ITPR2: variants seen among roughly 807,000 people sequenced by gnomAD.
The protein encoded by ITPR2 is inositol 1,4,5-trisphosphate receptor type 2.
Under a neutral mutation model 317.1 loss-of-function variants are expected in ITPR2, and 207 were observed. The ratio of observed to expected loss-of-function variants is 0.65; its 90% CI spans 0.58 to 0.73. ITPR2 has a LOEUF of 0.73. Among genes scored for constraint, ITPR2 ranks in the 30% least tolerant of loss-of-function variants. ITPR2 has a pLI of 0.00. For missense variants in ITPR2, 2,613 were observed against 3,284.0 expected (o/e 0.80, Z 4.99); for synonymous variants, 1,156 against 1,149.1 (o/e 1.01, Z -0.12).
At chr12:26,816,440 GTCA>G (rs1408944573) in intron 1 of ITPR2, among the ~76,000 whole-genome samples, 20 of 152,152 alleles carry the variant, frequency 1.3e-4, no homozygotes, top group Non-Finnish European at 2.8e-4. Flanking sequence ...AGAGAGTGGA[GTCA>G]TCATATAAAA....
chr12:26,435,426 A>C (rs1158117604), intron 48 of ITPR2, among the ~76,000 whole-genome samples: 3 of 152,140 alleles, frequency 2.0e-5, no homozygotes, highest in Admixed American at 1.3e-4. Flanking sequence ...AAAGCACTGC[A>C]TGGTTATTAT....
At chr12:26,587,891 C>T (rs183204348) in intron 32 of ITPR2, among the ~76,000 whole-genome samples, 1 of 152,026 alleles carries the variant, frequency 6.6e-6, no homozygotes, top group African/African-American at 2.4e-5. Flanking sequence ...CTTGGGGTAG[C>T]GTAGTTGTGA....
intron 48 of ITPR2, among the ~76,000 whole-genome samples, chr12:26,432,121 T>G (rs1941227468): frequency 6.6e-6 from 1 of 152,178 alleles, no homozygotes; most frequent in Admixed American, 6.5e-5. Context: ...TATCAGGAAA[T>G]TAACATTGAT....
intron 1 of ITPR2, among the ~76,000 whole-genome samples, chr12:26,794,935 CAT>C (rs1950404874): frequency 6.6e-6 from 1 of 152,196 alleles, no homozygotes; most frequent in Admixed American, 6.5e-5. Flanking sequence ...TCCAAGTATA[CAT>C]GCATGGTAAA....
chr12:26,345,904 G>T (rs144679360), intron 55 of ITPR2, among the ~76,000 whole-genome samples: 2 of 152,264 alleles, frequency 1.3e-5, no homozygotes, highest in African/African-American at 4.8e-5. Flanking sequence ...TTATTTCTTG[G>T]TTTACTCATG....
rs555250810 is a variant in ITPR2 at position 26,507,362 on chromosome 12, GT to G, written c.5074-12103del. On this transcript the variant is annotated intron_variant, in intron 37 of 56. Transcript: ENST00000381340. ...GTACCAAATGCTTACCTTAGAAAGG[GT>G]CTTTTTAAGAAAGGCTTTATTAGAC... is the stretch of plus-strand genomic sequence containing the variant. Among the ~76,000 whole-genome samples the G allele has an allele frequency of 1.3e-3, 204 of 152,258 alleles. 1 individual carries two copies. In the Middle Eastern group the frequency reaches 0.017, roughly 13 times the overall value.
At chr12:26,436,433 A>T (rs1941350005) in intron 47 of ITPR2, 87 bp from the exon 48 acceptor site, 7 of 1,197,468 alleles carry the variant, frequency 5.8e-6, no homozygotes, top group Non-Finnish European at 8.2e-6. Flanking sequence ...TATTTTACTA[A>T]ATGCATCATT....
At chr12:26,362,538 T>C (rs762995663) in intron 55 of ITPR2, among the ~76,000 whole-genome samples, 2 of 152,206 alleles carry the variant, frequency 1.3e-5, no homozygotes, top group African/African-American at 2.4e-5. Context: ...TCTTCCTCAC[T>C]GCTACTTTCA....
chr12:26,426,497 G>T (rs1002782458), intron 49 of ITPR2, among the ~76,000 whole-genome samples: 12 of 152,120 alleles, frequency 7.9e-5, no homozygotes, highest in Non-Finnish European at 1.3e-4. Flanking sequence ...AGTGAGGCAG[G>T]TAGGGCTAAA....
In ITPR2 at chr12:26,439,221, T is replaced by A. The variant is rs757180588; in HGVS notation, c.6549A>T (p.Thr2183=). The A allele has an allele frequency of 3.7e-6, 6 of 1,612,544 alleles. No homozygotes were observed. The highest frequency in any genetic ancestry group is 1.3e-5 in the African/African-American group (1 of 75,002). ...TACTTCCTTGTTCATCCCTTTCAGT[T>A]GTATTGAACACACGGCACTTGGATT... ...TRESKCRVFN[T]TERDEQGSKV... is the part of the protein sequence containing the mutation. Residue 2183 remains threonine (T), a synonymous_variant, in exon 47 of 57, where the codon ACA becomes ACT. Coordinates refer to ENST00000381340, the MANE Select transcript of ITPR2 (RefSeq NM_002223.4).
chr12:26,823,938 G>A (rs61045207), intron 1 of ITPR2, among the ~76,000 whole-genome samples: 4 of 152,084 alleles, frequency 2.6e-5, no homozygotes, highest in Non-Finnish European at 5.9e-5. Flanking sequence ...GAACAAGTCA[G>A]CCATGCTAAA....
intron 55 of ITPR2, among the ~76,000 whole-genome samples, chr12:26,381,416 G>C (rs1370352795): frequency 6.6e-6 from 1 of 152,082 alleles, no homozygotes; most frequent in East Asian, 1.9e-4. Flanking sequence ...TGGGAGAAGA[G>C]GCAATTTCCT....
chr12:26,505,585 T>C (rs1393320147), intron 37 of ITPR2, among the ~76,000 whole-genome samples: 1 of 152,316 alleles, frequency 6.6e-6, no homozygotes. Flanking sequence ...TATAATAGCA[T>C]GTATATCACC....
chr12:26,699,749 A>C (rs1179476806), intron 9 of ITPR2, among the ~76,000 whole-genome samples: 4 of 152,216 alleles, frequency 2.6e-5, no homozygotes, highest in Non-Finnish European at 5.9e-5. Flanking sequence ...TAAAGGCCAA[A>C]TAAATATATG....
intron 45 of ITPR2, among the ~76,000 whole-genome samples, chr12:26,463,546 T>A (rs558999214): frequency 6.6e-6 from 1 of 152,058 alleles, no homozygotes; most frequent in Non-Finnish European, 1.5e-5. Context: ...GCACCTGCAA[T>A]CCCAGCTACT....
intron 45 of ITPR2, among the ~76,000 whole-genome samples, chr12:26,459,427 C>T (rs1237662693): frequency 2.6e-5 from 4 of 152,320 alleles, no homozygotes; most frequent in Non-Finnish European, 4.4e-5. Context: ...AATCCCACAG[C>T]GTTCTCTGTT....
chr12:26,475,566 T>C, intron 44 of ITPR2, 148 bp from the exon 45 acceptor site: 1 of 779,148 alleles, frequency 1.3e-6, no homozygotes, highest in Non-Finnish European at 2.0e-6. Context: ...CCATCCTTAT[T>C]TCAATGAACA....
chr12:26,415,283 T>A lies in ITPR2; in HGVS notation c.7306+20A>T. ...CATATCTGCCATCAGAGAAACCTCA[T>A]TTAGTGGTAATAGCAATACCTGTAA... On this transcript the variant is annotated intron_variant, in intron 51 of 56. Coordinates refer to ENST00000381340, the MANE Select transcript of ITPR2 (RefSeq NM_002223.4). 1.9e-6 allele frequency: 3 copies of A among 1,541,778 alleles called. No individual in the cohort carries two copies. The highest frequency in any genetic ancestry group is 2.6e-6 in the Non-Finnish European group (3 of 1,136,822).
rs896008068 is a variant in ITPR2, at chr12:26,597,240, CAT to C, written c.4003-108_4003-107del. 7 of 1,235,900 alleles carry C rather than the reference CAT, an allele frequency of 5.7e-6. No individual in the cohort carries two copies. The East Asian group carries it at 7.0e-5, about 12-fold the overall frequency. 76.6% of individuals were successfully genotyped at this position (1,235,900 alleles called of 1,614,324 possible). Reference sequence around the variant, plus strand: ...AAACACGTATATCTCTTCGTAAAAACATATATAATACGGCAAAGACAGAGCTA... The same window carrying C: ...AAACACGTATATCTCTTCGTAAAAACATATAATACGGCAAAGACAGAGCTA... On this transcript the variant is annotated intron_variant, in intron 30 of 56. Coordinates refer to ENST00000381340, the MANE Select transcript of ITPR2 (RefSeq NM_002223.4).
Sources: allele counts gnomAD v4.1 joint callset (sites outside exome capture counted in the v4.1 genomes callset), GRCh38; gene constraint gnomAD v4.1.1; transcripts MANE v1.5; gene names NCBI Gene and HGNC (gene_info 2026-07-23, HGNC 2026-07-21).